OPHN1: variants seen among roughly 807,000 people sequenced by gnomAD.
The protein encoded by OPHN1 is oligophrenin-1.
In OPHN1, 11 loss-of-function variants were observed where a neutral mutation model predicts 60.7. The observed-to-expected ratio is 0.18, with a 90% CI of 0.11 to 0.30. The LOEUF is 0.30. Among genes scored for constraint, OPHN1 ranks in the 10% least tolerant of loss-of-function variants. The probability of loss-of-function intolerance (pLI) is 1.00; values close to 1 mark genes in which losing one functional copy is unlikely to be tolerated. For synonymous variants in OPHN1, 226 were observed against 222.6 expected, an observed-to-expected ratio of 1.02 and a Z score of -0.14; for missense variants, 449 against 611.0, an observed-to-expected ratio of 0.73 and a Z score of 2.80.
chrX:68,112,627 T>C (rs2077110166), intron 17 of OPHN1, among the ~76,000 whole-genome samples: 1 of 112,580 alleles, frequency 8.9e-6, no homozygotes, highest in South Asian at 3.7e-4. Flanking sequence ...ACTCATACAG[T>C]GGCCTCAGCC....
intron 19 of OPHN1, among the ~76,000 whole-genome samples, chrX:68,081,607 C>T (rs2076974892): frequency 8.9e-6 from 1 of 111,762 alleles, no homozygotes; most frequent in South Asian, 3.8e-4. Flanking sequence ...TGTGCAATAG[C>T]ATGATTCCTA....
Position 68,046,160 on chromosome X carries a change from T to C in OPHN1, c.*1012A>G, listed in dbSNP as rs1253604747. Reference sequence around the variant, plus strand: ...GGGCATATTGTCATGGAATTGTGCATACCATCTCAGGGGCATCATGGAGTT... The same window carrying C: ...GGGCATATTGTCATGGAATTGTGCACACCATCTCAGGGGCATCATGGAGTT... On this transcript the variant is annotated 3_prime_UTR_variant, in exon 25 of 25. Transcript: ENST00000355520. 1 of 112,248 alleles carries C rather than the reference T, an allele frequency of 8.9e-6. No individual in the cohort carries two copies. Among genetic ancestry groups the C allele is most frequent in the Non-Finnish European group, 1.9e-5 (1 of 53,294 alleles). The allele number at this position is 112,248 out of a possible 1,213,427, so 9.3% of individuals were successfully genotyped here.
chrX:68,278,677 G>C (rs2078003837), intron 4 of OPHN1, among the ~76,000 whole-genome samples: 1 of 113,045 alleles, frequency 8.8e-6, no homozygotes, highest in Non-Finnish European at 1.9e-5. Context: ...GCTGAGGCCA[G>C]GAGTTCCAGG....
At chrX:68,409,385 AGAG>A (rs1365966734) in intron 2 of OPHN1, among the ~76,000 whole-genome samples, 2 of 111,708 alleles carry the variant, frequency 1.8e-5, no homozygotes, top group Non-Finnish European at 3.8e-5. Context: ...ACAGTCCTGG[AGAG>A]GAGGAGTTGT....
chrX:68,394,120 C>T (rs2078671208), intron 2 of OPHN1, among the ~76,000 whole-genome samples: 1 of 109,438 alleles, frequency 9.1e-6, no homozygotes, highest in Non-Finnish European at 1.9e-5. Context: ...TGGTCTCGAT[C>T]TCCTGACCTC....
chrX:68,282,746 G>A (rs2078024814), intron 4 of OPHN1, among the ~76,000 whole-genome samples: 1 of 111,212 alleles, frequency 9.0e-6, no homozygotes. Context: ...GGATAATTTG[G>A]CTAAAAACAC....
intron 2 of OPHN1, among the ~76,000 whole-genome samples, chrX:68,308,868 C>G (rs1461431983): frequency 9.1e-6 from 1 of 109,773 alleles, no homozygotes; most frequent in Non-Finnish European, 1.9e-5. Context: ...CAGCCTCAAC[C>G]TCCTGGGCTC....
chrX:68,374,513 A>G (rs1293720538), intron 2 of OPHN1, among the ~76,000 whole-genome samples: 1 of 110,702 alleles, frequency 9.0e-6, no homozygotes, highest in Non-Finnish European at 1.9e-5. Flanking sequence ...GTGCAGTGGC[A>G]TGATCGTAGC....
At chrX:68,155,375 T>G (rs2077304794) in intron 15 of OPHN1, among the ~76,000 whole-genome samples, 2 of 111,472 alleles carry the variant, frequency 1.8e-5, no homozygotes, top group Admixed American at 9.5e-5. Context: ...GTAATCCCCA[T>G]ACTCCCCACA....
intron 6 of OPHN1, among the ~76,000 whole-genome samples, chrX:68,221,049 A>C (rs1386420926): frequency 9.6e-6 from 1 of 103,994 alleles, no homozygotes; most frequent in Non-Finnish European, 2.0e-5. Flanking sequence ...TTTCAGCCCA[A>C]AATCTCCTTA....
intron 6 of OPHN1, among the ~76,000 whole-genome samples, chrX:68,232,749 A>T (rs1217636870): frequency 9.0e-6 from 1 of 111,284 alleles, no homozygotes. Context: ...CTTTCTAAGC[A>T]TAGCAGTCTC....
chrX:68,081,308 GT>G (rs1189640808), intron 19 of OPHN1, among the ~76,000 whole-genome samples: 2 of 111,774 alleles, frequency 1.8e-5, no homozygotes, highest in African/African-American at 6.5e-5. Context: ...GTCAGAGTCA[GT>G]TGTGTTGGAG....
intron 2 of OPHN1, among the ~76,000 whole-genome samples, chrX:68,351,212 C>T (rs891053252): frequency 9.0e-6 from 1 of 111,541 alleles, no homozygotes; most frequent in Non-Finnish European, 1.9e-5. Flanking sequence ...CAGGCGTGAG[C>T]CACCACACCT....
chrX:68,414,765 C>G (rs2078785785), intron 2 of OPHN1, among the ~76,000 whole-genome samples: 1 of 111,266 alleles, frequency 9.0e-6, no homozygotes, highest in African/African-American at 3.3e-5. Flanking sequence ...GTCATTCTGG[C>G]AACTAAATGC....
intron 6 of OPHN1, among the ~76,000 whole-genome samples, chrX:68,224,862 T>C (rs2077681945): frequency 8.9e-6 from 1 of 112,528 alleles, no homozygotes; most frequent in South Asian, 3.7e-4. Flanking sequence ...TGAGTTCATC[T>C]CACTGCGGCT....
At chrX:68,054,745 C>CA (rs1380902942) in intron 21 of OPHN1, among the ~76,000 whole-genome samples, 2 of 110,403 alleles carry the variant, frequency 1.8e-5, no homozygotes, top group African/African-American at 6.6e-5. Context: ...CAGGTCAAAA[C>CA]AAAAACAGGC....
At chrX:68,168,175 T>C (rs2077369197) in intron 15 of OPHN1, among the ~76,000 whole-genome samples, 1 of 110,582 alleles carries the variant, frequency 9.0e-6, no homozygotes, top group South Asian at 3.9e-4. Context: ...TACAGAACTC[T>C]CCACCCCAAA....
intron 2 of OPHN1, among the ~76,000 whole-genome samples, chrX:68,416,783 T>C (rs142052035): frequency 2.7e-5 from 3 of 112,176 alleles, no homozygotes; most frequent in Non-Finnish European, 5.6e-5. Context: ...AGGAACTCAA[T>C]GCCCTGCCCC....
At chrX:68,296,183 A>G (rs1219821261) in intron 3 of OPHN1, among the ~76,000 whole-genome samples, 1 of 111,656 alleles carries the variant, frequency 9.0e-6, no homozygotes, top group East Asian at 2.8e-4. Context: ...AATGAGATTC[A>G]ACAAGGACAA....
Sources: allele counts gnomAD v4.1 joint callset (sites outside exome capture counted in the v4.1 genomes callset), GRCh38; gene constraint gnomAD v4.1.1; transcripts MANE v1.5; gene names NCBI Gene and HGNC (gene_info 2026-07-23, HGNC 2026-07-21).